The following SLC25A48 variants were observed in gnomAD, a reference collection of about 807,000 sequenced individuals.
The protein encoded by SLC25A48 is CTC-321K16.1.
A neutral mutation model predicts 32.2 loss-of-function variants in SLC25A48; 29 were observed. The ratio of observed to expected loss-of-function variants is 0.90; its 90% CI spans 0.67 to 1.23. The LOEUF is 1.23. Ranked by LOEUF, SLC25A48 falls within the 50% of genes most tolerant of loss-of-function variation. SLC25A48 has a pLI of 0.00. For synonymous variants in SLC25A48, 164 were observed against 172.3 expected, an observed-to-expected ratio of 0.95 and a Z score of 0.38; for missense variants, 399 against 422.7, an observed-to-expected ratio of 0.94 and a Z score of 0.49.
At chr5:135,808,407 A>C (rs189640958) in intron 3 of SLC25A48, among the ~76,000 whole-genome samples, 19 of 152,124 alleles carry the variant, frequency 1.2e-4, no homozygotes, top group South Asian at 2.1e-4. Context: ...AGAAACCCTA[A>C]ATTTCACTTT....
intron 1 of SLC25A48, among the ~76,000 whole-genome samples, chr5:135,622,241 G>A (rs1201934335): frequency 6.6e-6 from 1 of 152,144 alleles, no homozygotes; most frequent in Non-Finnish European, 1.5e-5. Context: ...TGGGTACTTT[G>A]AACAAACTTT....
chr5:135,700,179 C>T (rs1290946852), intron 3 of SLC25A48, among the ~76,000 whole-genome samples: 4 of 151,784 alleles, frequency 2.6e-5, no homozygotes, highest in South Asian at 2.1e-4. Flanking sequence ...CGAGATCAGC[C>T]TGGCCAACAT....
At chr5:135,720,281 G>T (rs958302532) in intron 3 of SLC25A48, among the ~76,000 whole-genome samples, 1 of 152,182 alleles carries the variant, frequency 6.6e-6, no homozygotes, top group Non-Finnish European at 1.5e-5. Flanking sequence ...GGTCTGTGTT[G>T]CCAGGGCCCG....
intron 3 of SLC25A48, among the ~76,000 whole-genome samples, chr5:135,680,851 T>G (rs966775250): frequency 1.3e-5 from 2 of 152,242 alleles, no homozygotes; most frequent in Non-Finnish European, 2.9e-5. Context: ...AGCAATTTTT[T>G]GTCCATCCTC....
chr5:135,831,041 C>T (rs1758191621), upstream of SLC25A48, among the ~76,000 whole-genome samples: 1 of 152,128 alleles, frequency 6.6e-6, no homozygotes, highest in Admixed American at 6.5e-5. Flanking sequence ...TGGTATAGAT[C>T]TGAAGGAGGT....
chr5:135,778,020 A>G (rs893384419), intron 3 of SLC25A48, among the ~76,000 whole-genome samples: 1 of 139,904 alleles, frequency 7.1e-6, no homozygotes, highest in Non-Finnish European at 1.6e-5. Context: ...CTAATATCCA[A>G]ACGGGGAGAG....
chr5:135,651,731 C>T (rs1753118942), intron 3 of SLC25A48, among the ~76,000 whole-genome samples: 1 of 152,138 alleles, frequency 6.6e-6, no homozygotes. Flanking sequence ...TCTTTGTCCT[C>T]ATTGGACCTT....
At chr5:135,775,892 T>A (rs753087595) in intron 3 of SLC25A48, among the ~76,000 whole-genome samples, 1 of 151,490 alleles carries the variant, frequency 6.6e-6, no homozygotes, top group Non-Finnish European at 1.5e-5. Flanking sequence ...GGGGAGATGA[T>A]GGTATTACGA....
intron 3 of SLC25A48, among the ~76,000 whole-genome samples, chr5:135,742,995 T>C (rs1489888131): frequency 0.029 from 9 of 310 alleles, no homozygotes; most frequent in African/African-American, 0.033. Flanking sequence ...CCTCCCTTCC[T>C]CTCCCCTCCC....
chr5:135,756,454 A>T (rs1755908880), intron 3 of SLC25A48, among the ~76,000 whole-genome samples: 1 of 152,054 alleles, frequency 6.6e-6, no homozygotes, highest in Admixed American at 6.6e-5. Context: ...TGGGTGGATC[A>T]CCTGGGGTCA....
chr5:135,727,339 A>G (rs1285328756), intron 3 of SLC25A48, among the ~76,000 whole-genome samples: 1 of 151,986 alleles, frequency 6.6e-6, no homozygotes, highest in African/African-American at 2.4e-5. Flanking sequence ...TGGTTTGCAA[A>G]TATTTTCTCC....
At position 135,659,784 on chromosome 5, in the gene SLC25A48, A is replaced by C. The variant is rs115703959; in HGVS notation, c.-521+24828A>C. Among the ~76,000 whole-genome samples the C allele has an allele frequency of 8.9e-3, 1,355 of 152,326 alleles. 23 individuals are homozygous for C. The highest frequency in any genetic ancestry group is 0.031 in the African/African-American group (1,272 of 41,566). ...GTGAAGAGGAAGCAAGCACATCTTCACATAGCAGCAGGAGAGAGAGAAAGT... is the reference window on the plus strand; with the variant it reads ...GTGAAGAGGAAGCAAGCACATCTTCCCATAGCAGCAGGAGAGAGAGAAAGT... On this transcript the variant is annotated intron_variant, in intron 3 of 10. Transcript: ENST00000646290.
At chr5:135,671,703 T>G (rs1273873296) in intron 3 of SLC25A48, 1 of 152,098 alleles carries the variant, frequency 6.6e-6, no homozygotes. Flanking sequence ...GAAAGATGTT[T>G]CCAAAAAAAT....
intron 5 of SLC25A48, chr5:135,872,334 A>G (rs1031828757): frequency 1.2e-4 from 18 of 154,046 alleles, no homozygotes; most frequent in Admixed American, 6.5e-5. Flanking sequence ...TCAGTGATCT[A>G]GCTCCCTGTT....
intron 3 of SLC25A48, among the ~76,000 whole-genome samples, chr5:135,810,083 G>A (rs748575846): frequency 8.5e-5 from 13 of 152,110 alleles, no homozygotes; most frequent in Non-Finnish European, 1.6e-4. Flanking sequence ...AGTGATCCTC[G>A]AGTCGCAGCC....
intron 3 of SLC25A48, among the ~76,000 whole-genome samples, chr5:135,694,540 C>T (rs1180491340): frequency 1.1e-4 from 16 of 152,178 alleles, no homozygotes. Flanking sequence ...CCTGGAAATT[C>T]ATTAGCCACG....
chr5:135,668,634 A>G (rs1753578231), intron 3 of SLC25A48, among the ~76,000 whole-genome samples: 1 of 152,216 alleles, frequency 6.6e-6, no homozygotes, highest in Non-Finnish European at 1.5e-5. Context: ...GAGACAAACA[A>G]ATGTATGAAA....
At chr5:135,656,589 C>G (rs1753255287) in intron 3 of SLC25A48, among the ~76,000 whole-genome samples, 1 of 152,182 alleles carries the variant, frequency 6.6e-6, no homozygotes, top group Non-Finnish European at 1.5e-5. Context: ...TGTTGAAATT[C>G]TAACTCCTAG....
At chr5:135,647,016 A>G (rs1752979913) in intron 3 of SLC25A48, among the ~76,000 whole-genome samples, 1 of 152,098 alleles carries the variant, frequency 6.6e-6, no homozygotes. Context: ...CTCATCACAC[A>G]AAAAGGTAAT....
Sources: allele counts gnomAD v4.1 joint callset (sites outside exome capture counted in the v4.1 genomes callset), GRCh38; gene constraint gnomAD v4.1.1; transcripts MANE v1.5; gene names NCBI Gene and HGNC (gene_info 2026-07-23, HGNC 2026-07-21).